Variants in PARD3B observed in about 807,000 individuals in gnomAD.
PARD3B encodes partitioning defective 3 homolog B.
PARD3B carries 103 observed loss-of-function variants against 130.2 expected under a neutral mutation model. That is an observed-to-expected ratio of 0.79 (90% CI 0.67 to 0.93). The LOEUF (loss-of-function observed/expected upper bound fraction) is 0.93, where lower values mean the gene tolerates loss of function less well. PARD3B is among the 40% of genes least tolerant of loss of function. PARD3B has a pLI of 0.00. For missense variants in PARD3B, 1,609 were observed against 1,499.2 expected, an observed-to-expected ratio of 1.07 and a Z score of -1.21; for synonymous variants, 583 against 553.2, an observed-to-expected ratio of 1.05 and a Z score of -0.76.
intron 3 of PARD3B, among the ~76,000 whole-genome samples, chr2:205,014,925 C>T (rs886712851): frequency 6.6e-6 from 1 of 152,182 alleles, no homozygotes; most frequent in Non-Finnish European, 1.5e-5. Context: ...ATCAACTTCT[C>T]CATGTCTCAT....
At chr2:204,909,229 G>A (rs1280695164) in intron 2 of PARD3B, among the ~76,000 whole-genome samples, 1 of 152,096 alleles carries the variant, frequency 6.6e-6, no homozygotes, top group African/African-American at 2.4e-5. Context: ...AATTGAAAAT[G>A]CACATAATGT....
intron 3 of PARD3B, among the ~76,000 whole-genome samples, chr2:205,036,078 C>T (rs1697843706): frequency 6.9e-6 from 1 of 145,246 alleles, no homozygotes; most frequent in African/African-American, 2.5e-5. Flanking sequence ...GTAATAGAAA[C>T]ATTTTTCCAA....
At chr2:204,665,395 C>G (rs2035979684) in intron 1 of PARD3B, among the ~76,000 whole-genome samples, 1 of 152,098 alleles carries the variant, frequency 6.6e-6, no homozygotes, top group East Asian at 1.9e-4. Context: ...TCTGTGGCAT[C>G]TGGTTCAGGG....
In PARD3B at chr2:205,525,812, C is replaced by T. The variant is rs951950888; in HGVS notation, c.3180+25781C>T. ...TGACTCTCTCCCCTTCCAGCCCCTT[C>T]GCTACAGCAGATATGATTACTTGGA... On this transcript the variant is annotated intron_variant, in intron 21 of 22. Transcript: ENST00000406610. This position sits in a 1 kb window ranked among gnomAD's most constrained non-coding sequence, Gnocchi z 4.2. Among the ~76,000 whole-genome samples the T allele has an allele frequency of 2.0e-5, 3 of 152,194 alleles. No homozygotes were observed. The highest frequency in any genetic ancestry group is 2.9e-5 in the Non-Finnish European group (2 of 68,028).
intron 4 of PARD3B, among the ~76,000 whole-genome samples, chr2:205,086,130 C>T (rs1701727829): frequency 6.6e-6 from 1 of 152,142 alleles, no homozygotes; most frequent in Non-Finnish European, 1.5e-5. Flanking sequence ...AGTTTCCAGC[C>T]TTTCAAGTGA....
intron 1 of PARD3B, among the ~76,000 whole-genome samples, chr2:204,581,588 T>A (rs547529393): frequency 2.0e-5 from 3 of 152,108 alleles, no homozygotes; most frequent in African/African-American, 7.2e-5. Flanking sequence ...AGTGCCAGGG[T>A]CTCTTGGTCC....
Position 204,588,718 on chromosome 2 carries a change from A to G in PARD3B, c.120+42599A>G, listed in dbSNP as rs553416328. On this transcript the variant is annotated intron_variant, in intron 1 of 22. Coordinates refer to ENST00000406610, the MANE Select transcript of PARD3B (RefSeq NM_001302769.2). ...CTTTAAAAATATTCAAATTTTCAGAAAAATGTATTCCCCACTTTATCCAAA... is the reference window on the plus strand; with the variant it reads ...CTTTAAAAATATTCAAATTTTCAGAGAAATGTATTCCCCACTTTATCCAAA... 2.0e-5 allele frequency among the ~76,000 whole-genome samples: 3 copies of G among 152,322 alleles called. No homozygotes were observed. In the South Asian group the frequency reaches 6.2e-4, roughly 32 times the overall value.
chr2:204,636,307 G>C (rs1387862951), intron 1 of PARD3B, among the ~76,000 whole-genome samples: 1 of 152,038 alleles, frequency 6.6e-6, no homozygotes, highest in East Asian at 1.9e-4. Context: ...TCAGAGCGCT[G>C]TCTTCATAAC....
At chr2:205,197,081 G>GAC (rs1298413091) in intron 15 of PARD3B, among the ~76,000 whole-genome samples, 1 of 151,424 alleles carries the variant, frequency 6.6e-6, no homozygotes, top group East Asian at 1.9e-4. Context: ...GTGTGAGAGA[G>GAC]AGAGAGAGAG....
At chr2:205,552,600 G>T (rs1228616257) in intron 21 of PARD3B, among the ~76,000 whole-genome samples, 1 of 151,926 alleles carries the variant, frequency 6.6e-6, no homozygotes, top group Non-Finnish European at 1.5e-5. Context: ...GCAGAGATGG[G>T]GTTTCACTAT....
intron 18 of PARD3B, among the ~76,000 whole-genome samples, chr2:205,345,631 T>A (rs546589010): frequency 1.3e-5 from 2 of 151,418 alleles, no homozygotes; most frequent in East Asian, 4.0e-4. Context: ...CCCTATCTCC[T>A]CATGACCCTA....
chr2:205,095,170 A>G (rs1338719664), intron 4 of PARD3B, among the ~76,000 whole-genome samples: 2 of 152,134 alleles, frequency 1.3e-5, no homozygotes, highest in Non-Finnish European at 2.9e-5. Context: ...AAACAACATT[A>G]TCTTTGTGTA....
chr2:205,312,460 C>A (rs376166722), intron 18 of PARD3B, among the ~76,000 whole-genome samples: 1 of 152,148 alleles, frequency 6.6e-6, no homozygotes, highest in Non-Finnish European at 1.5e-5. Context: ...CAGGGTAAGA[C>A]GGCTGCATAC....
At chr2:204,969,037 A>T (rs369868710) in intron 3 of PARD3B, among the ~76,000 whole-genome samples, 27 of 152,324 alleles carry the variant, frequency 1.8e-4, no homozygotes, top group African/African-American at 6.3e-4. Context: ...ACACTTTAAG[A>T]TTCTGTGGCT....
chr2:205,602,252 T>G (rs1559259517), intron 22 of PARD3B, among the ~76,000 whole-genome samples: 1 of 152,344 alleles, frequency 6.6e-6, no homozygotes, highest in South Asian at 2.1e-4. Context: ...CATAAGCTTT[T>G]TGATGTGTCG....
rs16836720 is a variant in PARD3B at position 204,890,961 on chromosome 2, C to T, written c.223-74191C>T. On this transcript the variant is annotated intron_variant, in intron 2 of 22. Coordinates refer to ENST00000406610, the MANE Select transcript of PARD3B (RefSeq NM_001302769.2). This position sits in a 1 kb window ranked among gnomAD's most constrained non-coding sequence, Gnocchi z 4.9. ...CATCCACTGCCTCCATGAGGATATT[C>T]TAGGAATCTGTATCTAATTACCTGT... Among the ~76,000 whole-genome samples the T allele has an allele frequency of 0.048, 7,357 of 152,180 alleles. 353 individuals are homozygous for T. Among genetic ancestry groups the T allele is most frequent in the African/African-American group, 0.12 (4,804 of 41,520 alleles).
intron 2 of PARD3B, among the ~76,000 whole-genome samples, chr2:204,868,533 C>T (rs1173373605): frequency 2.0e-5 from 3 of 152,110 alleles, no homozygotes; most frequent in African/African-American, 7.2e-5. Context: ...ATCCAGTCTT[C>T]CTCCACTATC....
At chr2:205,442,110 G>A (rs538190757) in intron 20 of PARD3B, among the ~76,000 whole-genome samples, 10 of 152,054 alleles carry the variant, frequency 6.6e-5, no homozygotes, top group South Asian at 2.1e-4. Context: ...TCCTCTCTGC[G>A]TATTCCACAG....
At chr2:204,653,301 A>G (rs1188370478) in intron 1 of PARD3B, among the ~76,000 whole-genome samples, 1 of 150,232 alleles carries the variant, frequency 6.7e-6, no homozygotes, top group African/African-American at 2.5e-5. Context: ...AAAAAAACCT[A>G]GCTATTATGG....
Sources: allele counts gnomAD v4.1 joint callset (sites outside exome capture counted in the v4.1 genomes callset), GRCh38; gene constraint gnomAD v4.1.1; non-coding constraint Gnocchi (gnomAD v3.1); transcripts MANE v1.5; gene names NCBI Gene and HGNC (gene_info 2026-07-23, HGNC 2026-07-21).